CAPRIN2: variants seen among roughly 807,000 people sequenced by gnomAD.
CAPRIN2 encodes the protein caprin-2.
In CAPRIN2, 66 loss-of-function variants were observed where a neutral mutation model predicts 130.4. The observed-to-expected ratio is 0.51, with a 90% CI of 0.42 to 0.62. CAPRIN2 has a LOEUF of 0.62. CAPRIN2 is among the 20% of genes least tolerant of loss of function. The pLI is 0.00. For missense variants in CAPRIN2, 1,185 were observed against 1,246.6 expected, an observed-to-expected ratio of 0.95 and a Z score of 0.74; for synonymous variants, 471 against 444.1, an observed-to-expected ratio of 1.06 and a Z score of -0.76.
intron 7 of CAPRIN2, among the ~76,000 whole-genome samples, chr12:30,729,759 C>T (rs930875610): frequency 2.1e-4 from 32 of 151,890 alleles, no homozygotes; most frequent in Non-Finnish European, 2.5e-4. Context: ...CCAGTGTTTT[C>T]TTTATTTCCC....
chr12:30,719,020 A>T (rs2058535033), intron 12 of CAPRIN2, 59 bp downstream of exon 14: 1 of 1,545,126 alleles, frequency 6.5e-7, no homozygotes. Context: ...TATGTAAGAG[A>T]AACAATGGCT....
At chr12:30,752,187 G>A (rs999884742) in intron 1 of CAPRIN2, among the ~76,000 whole-genome samples, 3 of 151,908 alleles carry the variant, frequency 2.0e-5, no homozygotes, top group African/African-American at 7.3e-5. Context: ...CTCCCAAAGC[G>A]CAGGGATTAC....
intron 2 of CAPRIN2, among the ~76,000 whole-genome samples, chr12:30,744,236 A>G (rs1007121330): frequency 6.6e-6 from 1 of 152,158 alleles, no homozygotes; most frequent in African/African-American, 2.4e-5. Flanking sequence ...ATTCACCTAC[A>G]CTACAGGCAA....
At chr12:30,738,076 A>T (rs909214949) in intron 3 of CAPRIN2, among the ~76,000 whole-genome samples, 17 of 152,188 alleles carry the variant, frequency 1.1e-4, no homozygotes, top group Admixed American at 2.0e-4. Flanking sequence ...CATGTCTGAC[A>T]AAAGAAAAAC....
intron 14 of CAPRIN2, 61 bp downstream of exon 16, chr12:30,714,898 T>C: frequency 2.9e-6 from 4 of 1,370,232 alleles, no homozygotes; most frequent in Non-Finnish European, 4.1e-6. Context: ...AAAAATGGTG[T>C]GAGTCAAGTA....
intron 2 of CAPRIN2, among the ~76,000 whole-genome samples, chr12:30,741,525 T>C (rs1477470763): frequency 3.9e-5 from 6 of 152,034 alleles, no homozygotes; most frequent in Admixed American, 3.9e-4. Flanking sequence ...AGTGGAAAGA[T>C]TTAGAATAAT....
chr12:30,749,426 G>C (rs1198160931), intron 2 of CAPRIN2, among the ~76,000 whole-genome samples: 1 of 152,080 alleles, frequency 6.6e-6, no homozygotes, highest in Non-Finnish European at 1.5e-5. Flanking sequence ...ACTTGGAGAG[G>C]GCAGAAATAG....
intron 14 of CAPRIN2, 170 bp downstream of exon 16, chr12:30,714,789 C>T: frequency 2.2e-6 from 1 of 453,838 alleles, no homozygotes; most frequent in Non-Finnish European, 3.9e-6. Context: ...AAAATTAGTT[C>T]CTCTGTTATG....
Position 30,710,297 on chromosome 12 carries a change from G to C in CAPRIN2, c.2839C>G (p.Arg947Gly), listed in dbSNP as rs957278438. The C allele has an allele frequency of 7.4e-6, 12 of 1,614,176 alleles. No individual in the cohort carries two copies. The highest frequency in any genetic ancestry group is 1.0e-5 in the Non-Finnish European group (12 of 1,180,034). Reference sequence around the variant, plus strand: ...GTTCTGGCTGCTGAGAAGGCAACTCGCATCTGCTGAGGCAGAGGGTAGACG... The same window carrying C: ...GTTCTGGCTGCTGAGAAGGCAACTCCCATCTGCTGAGGCAGAGGGTAGACG... Residue 947 changes from arginine to glycine, a missense_variant, in exon 17 of 17, where the codon CGA (arginine) becomes GGA (glycine). Physicochemically the swap from Arg to Gly is moderately radical, Grantham distance 125 (BLOSUM62 -2). Coordinates refer to ENST00000298892, the Ensembl canonical transcript of CAPRIN2. The surrounding 1 kb of genome is among the most constrained non-coding windows in gnomAD (Gnocchi z 4.8).
exon 4 of CAPRIN2, chr12:30,734,979 A>G (rs2064100998): frequency 6.2e-7 from 1 of 1,611,322 alleles, no homozygotes; most frequent in Non-Finnish European, 8.5e-7. Context: ...TCAGACTTTC[A>G]TTTCTTTCAG....
At chr12:30,737,161 T>C (rs1191910353) in intron 3 of CAPRIN2, among the ~76,000 whole-genome samples, 1 of 151,806 alleles carries the variant, frequency 6.6e-6, no homozygotes, top group Non-Finnish European at 1.5e-5. Flanking sequence ...CATGCCACCA[T>C]GCCTGGCTAA....
chr12:30,754,923 A>G (rs2075577692), upstream of CAPRIN2: 1 of 151,242 alleles, frequency 6.6e-6, no homozygotes. Flanking sequence ...GGCGCCAGAG[A>G]CCCAGCCGAC....
At chr12:30,751,202 G>C (rs2073662284) in intron 1 of CAPRIN2, 69 bp from the exon 3 acceptor site, 1 of 1,240,510 alleles carries the variant, frequency 8.1e-7, no homozygotes, top group Admixed American at 1.7e-5. Flanking sequence ...GTAAATGCCA[G>C]ATCTTGTCTC....
At position 30,736,361 on chromosome 12, in the gene CAPRIN2, A is replaced by G. The variant is rs111399749; in HGVS notation, c.571-1155T>C. On this transcript the variant is annotated intron_variant, in intron 3 of 16. Transcript: ENST00000298892. ...AGTTTTTGATTGTAACGTTTCCATC[A>G]TATTGGATATTCCGCAAGGTATGAA... Among the ~76,000 whole-genome samples, 200 of 151,640 alleles carry G rather than the reference A, an allele frequency of 1.3e-3. 3 individuals are homozygous for G. The highest frequency in any genetic ancestry group is 3.8e-3 in the African/African-American group (157 of 41,236).
At chr12:30,747,567 C>T (rs755034157) in intron 2 of CAPRIN2, among the ~76,000 whole-genome samples, 2 of 151,904 alleles carry the variant, frequency 1.3e-5, no homozygotes, top group Non-Finnish European at 2.9e-5. Context: ...ATCCTAGCTA[C>T]TCAGGAGGCT....
intron 13 of CAPRIN2, 162 bp from the exon 16 acceptor site, chr12:30,715,303 C>T (rs970695098): frequency 4.1e-5 from 27 of 651,850 alleles, no homozygotes; most frequent in Non-Finnish European, 6.2e-5. Flanking sequence ...GACTCAAATA[C>T]GTAATTCATA....
chr12:30,716,681 A>C lies in CAPRIN2; in HGVS notation c.2149-5T>G, dbSNP rs769603497. On this transcript the variant is annotated splice_polypyrimidine_tract_variant and splice_region_variant and intron_variant, in intron 12 of 16. Coordinates refer to ENST00000298892, the Ensembl canonical transcript of CAPRIN2. Reference sequence around the variant, plus strand: ...AGGTGCATTAACGTTAAATACCTTAAAAGACAAGGACACACTGAGTCATTT... The same window carrying C: ...AGGTGCATTAACGTTAAATACCTTACAAGACAAGGACACACTGAGTCATTT... 5 of 1,613,008 alleles carry C rather than the reference A, an allele frequency of 3.1e-6. No homozygotes were observed. Among genetic ancestry groups the C allele is most frequent in the Non-Finnish European group, 4.2e-6 (5 of 1,179,432 alleles).
chr12:30,710,187 C>T lies in CAPRIN2; in HGVS notation c.2949G>A (p.Gln983=). The change falls in exon 17 of 17, where the codon CAG becomes CAA. Residue 983 remains glutamine, a synonymous_variant. Transcript: ENST00000298892. This position sits in a 1 kb window ranked among gnomAD's most constrained non-coding sequence, Gnocchi z 4.8. ...TCACTGGGCAATTAAATCTACCAAGCTGAAGATCAAAAGTTTCTCCTAAGT... is the reference window on the plus strand; with the variant it reads ...TCACTGGGCAATTAAATCTACCAAGTTGAAGATCAAAAGTTTCTCCTAAGT... The T allele has an allele frequency of 1.9e-6, 3 of 1,614,152 alleles. No homozygotes were observed. The highest frequency in any genetic ancestry group is 2.5e-6 in the Non-Finnish European group (3 of 1,180,028).
chr12:30,717,862 C>G (rs980910688), intron 12 of CAPRIN2, among the ~76,000 whole-genome samples: 1 of 152,174 alleles, frequency 6.6e-6, no homozygotes, highest in Admixed American at 6.5e-5. Flanking sequence ...CACACAGCAC[C>G]TGATATACAG....
Sources: gnomAD v4.1 joint callset for allele counts (sites outside exome capture counted in the v4.1 genomes callset) on GRCh38, gnomAD v4.1.1 for gene constraint, Gnocchi (gnomAD v3.1) non-coding constraint, MANE v1.5 for transcripts, NCBI Gene and HGNC (gene_info 2026-07-23, HGNC 2026-07-21) for gene names.